The following CSGALNACT1 variants were observed in gnomAD, a reference collection of about 807,000 sequenced individuals.
The protein encoded by CSGALNACT1 is beta4GalNAcT-1.
CSGALNACT1 carries 52 observed loss-of-function variants against 51.0 expected under a neutral mutation model. The ratio of observed to expected loss-of-function variants is 1.02; its 90% CI spans 0.82 to 1.29. The LOEUF is 1.29. Among genes scored for constraint, CSGALNACT1 ranks in the 50% most tolerant of loss-of-function variants. The pLI is 0.00. For synonymous variants in CSGALNACT1, 341 were observed against 254.4 expected (o/e 1.34, Z -3.24); for missense variants, 935 against 679.2 (o/e 1.38, Z -4.19).
chr8:19,639,643 G>A (rs978708190), intron 1 of CSGALNACT1, among the ~76,000 whole-genome samples: 1 of 152,102 alleles, frequency 6.6e-6, no homozygotes, highest in Non-Finnish European at 1.5e-5. Flanking sequence ...TCAGGAAGAT[G>A]GGGCAGGTAA....
At chr8:19,554,842 T>C (rs1289189492) in intron 3 of CSGALNACT1, among the ~76,000 whole-genome samples, 2 of 151,848 alleles carry the variant, frequency 1.3e-5, no homozygotes, top group East Asian at 3.9e-4. Flanking sequence ...CACTTGAACC[T>C]GGGAGGCGGC....
intron 1 of CSGALNACT1, among the ~76,000 whole-genome samples, chr8:19,703,948 T>A (rs977998176): frequency 6.6e-6 from 1 of 152,162 alleles, no homozygotes; most frequent in Non-Finnish European, 1.5e-5. Context: ...GGCAGTGACA[T>A]CTTTCCTGAG....
At chr8:19,671,429 T>C (rs1364896389) in intron 1 of CSGALNACT1, among the ~76,000 whole-genome samples, 3 of 152,164 alleles carry the variant, frequency 2.0e-5, no homozygotes, top group Non-Finnish European at 4.4e-5. Flanking sequence ...ATGGAAAATA[T>C]GGAAAACCCA....
intron 4 of CSGALNACT1, among the ~76,000 whole-genome samples, chr8:19,475,774 T>C (rs1292252219): frequency 6.6e-6 from 1 of 152,222 alleles, no homozygotes; most frequent in Non-Finnish European, 1.5e-5. Flanking sequence ...GCTAAACTCC[T>C]GTGTTGTGGC....
At chr8:19,651,579 T>C (rs1297124790) in intron 1 of CSGALNACT1, among the ~76,000 whole-genome samples, 2 of 152,232 alleles carry the variant, frequency 1.3e-5, no homozygotes, top group Non-Finnish European at 2.9e-5. Context: ...TACTTGTTGC[T>C]GCAAAGGATA....
At chr8:19,459,337 T>G (rs1195982950) in intron 4 of CSGALNACT1, among the ~76,000 whole-genome samples, 1 of 147,970 alleles carries the variant, frequency 6.8e-6, no homozygotes, top group African/African-American at 2.5e-5. Context: ...GAGCCAAGTT[T>G]GTACCACTTC....
intron 4 of CSGALNACT1, among the ~76,000 whole-genome samples, chr8:19,502,167 A>G (rs2076533232): frequency 6.6e-6 from 1 of 152,194 alleles, no homozygotes; most frequent in Non-Finnish European, 1.5e-5. Context: ...GAGGATCCCA[A>G]AGGGGAGGTG....
intron 4 of CSGALNACT1, among the ~76,000 whole-genome samples, chr8:19,478,000 G>A (rs571220717): frequency 2.6e-5 from 4 of 152,260 alleles, no homozygotes; most frequent in South Asian, 4.2e-4. Context: ...ACCTCCTGAA[G>A]AGGCACAAGC....
chr8:19,681,967 T>C (rs991491204), intron 1 of CSGALNACT1, among the ~76,000 whole-genome samples: 1 of 152,218 alleles, frequency 6.6e-6, no homozygotes, highest in African/African-American at 2.4e-5. Flanking sequence ...GGTGAAGCAC[T>C]TCACCAGTTT....
intron 1 of CSGALNACT1, among the ~76,000 whole-genome samples, chr8:19,653,524 T>G (rs1397145570): frequency 1.4e-4 from 22 of 152,204 alleles, no homozygotes; most frequent in Non-Finnish European, 4.4e-5. Flanking sequence ...CCAGGTGCAG[T>G]GGCTCATGCC....
rs1338290655 is a variant in CSGALNACT1 at position 19,757,209 on chromosome 8, G to A, written c.-297+641C>T. 1 of 149,692 alleles carries A rather than the reference G, an allele frequency of 6.7e-6. No homozygotes were observed. The highest frequency in any genetic ancestry group is 1.5e-5 in the Non-Finnish European group (1 of 67,026). 9.3% of individuals were successfully genotyped at this position (149,692 alleles called of 1,614,324 possible). A position where few individuals can be genotyped will look rare whatever the true frequency, so the allele number is the denominator to read the frequency against. On this transcript the variant is annotated intron_variant, in intron 1 of 1. Transcript: ENST00000517494. The surrounding 1 kb of genome is among the most constrained non-coding windows in gnomAD (Gnocchi z 4.0). Reference sequence around the variant, plus strand: ...ACCCGAAGCGCCCTGCTAGCTGCCCGGCCCGGCTCCGGCCGCTGCCGCCGT... The same window carrying A: ...ACCCGAAGCGCCCTGCTAGCTGCCCAGCCCGGCTCCGGCCGCTGCCGCCGT...
chr8:19,674,668 C>A (rs1182580032), intron 1 of CSGALNACT1, among the ~76,000 whole-genome samples: 1 of 151,968 alleles, frequency 6.6e-6, no homozygotes, highest in African/African-American at 2.4e-5. Flanking sequence ...TGAAATAAAG[C>A]TTGACAGAAT....
chr8:19,577,697 G>C (rs940475543), intron 3 of CSGALNACT1, among the ~76,000 whole-genome samples: 1 of 151,978 alleles, frequency 6.6e-6, no homozygotes, highest in East Asian at 1.9e-4. Flanking sequence ...ACTCCCATTG[G>C]GTTTAAAATA....
intron 2 of CSGALNACT1, among the ~76,000 whole-genome samples, chr8:19,597,285 CTTTTTTTTTTTTTTTTTT>C (rs35177349): frequency 1.5e-5 from 1 of 64,528 alleles, no homozygotes; most frequent in East Asian, 6.0e-4. Context: ...TATCTTCTTT[CTTTTTTTTTTTTTTTTTT>C]TTTTTTTTTG....
intron 1 of CSGALNACT1, among the ~76,000 whole-genome samples, chr8:19,630,097 C>A (rs752785936): frequency 6.6e-6 from 1 of 152,064 alleles, no homozygotes; most frequent in Non-Finnish European, 1.5e-5. Context: ...CAGGCCAACA[C>A]GGGCCGAATG....
chr8:19,423,585 T>C (rs982166592), intron 6 of CSGALNACT1, among the ~76,000 whole-genome samples: 19 of 152,124 alleles, frequency 1.2e-4, no homozygotes, highest in African/African-American at 3.9e-4. Context: ...GTCATAGTCA[T>C]GGGAAAAGGG....
chr8:19,462,043 G>T (rs1043921503), intron 4 of CSGALNACT1, among the ~76,000 whole-genome samples: 3 of 152,200 alleles, frequency 2.0e-5, no homozygotes, highest in Non-Finnish European at 4.4e-5. Context: ...CGCCGTGGAG[G>T]GTGTATCTGC....
chr8:19,642,412 C>T (rs2056833477), intron 1 of CSGALNACT1, among the ~76,000 whole-genome samples: 1 of 152,016 alleles, frequency 6.6e-6, no homozygotes, highest in African/African-American at 2.4e-5. Context: ...ATCAACAAAA[C>T]TAAATAGCAC....
chr8:19,623,668 G>C (rs1323621194), intron 1 of CSGALNACT1, among the ~76,000 whole-genome samples: 1 of 152,182 alleles, frequency 6.6e-6, no homozygotes, highest in Non-Finnish European at 1.5e-5. Flanking sequence ...AATTGAGCCA[G>C]AATAACAGAA....
Sources: gnomAD v4.1 joint callset for allele counts (sites outside exome capture counted in the v4.1 genomes callset) on GRCh38, gnomAD v4.1.1 for gene constraint, Gnocchi (gnomAD v3.1) non-coding constraint, MANE v1.5 for transcripts, NCBI Gene and HGNC (gene_info 2026-07-23, HGNC 2026-07-21) for gene names.